Variants in KCNMA1 observed in about 807,000 individuals in gnomAD.
KCNMA1 encodes the protein potassium calcium-activated channel subfamily M alpha 1, also known as Calcium-activated potassium channel subunit alpha-1.
Under a neutral mutation model 140.0 loss-of-function variants are expected in KCNMA1, and 29 were observed. That is an observed-to-expected ratio of 0.21 (90% CI 0.15 to 0.28). The LOEUF (loss-of-function observed/expected upper bound fraction) is 0.28, where lower values mean the gene tolerates loss of function less well. Ranked by LOEUF, KCNMA1 falls within the 10% of genes least tolerant of loss-of-function variation. The pLI is 1.00. For synonymous variants in KCNMA1, 612 were observed against 611.9 expected (o/e 1.00, Z 0.00); for missense variants, 880 against 1,602.2 (o/e 0.55, Z 7.70).
chr10:77,631,892 C>A (rs1454329672), intron 1 of KCNMA1, among the ~76,000 whole-genome samples: 1 of 152,130 alleles, frequency 6.6e-6, no homozygotes, highest in African/African-American at 2.4e-5. Context: ...CAAAGGGAGG[C>A]CATAGGTTCT....
rs182014367 is a variant in KCNMA1 at position 77,027,963 on chromosome 10, G to C, written c.1860-72C>G. ...AGAGCCACATAACACACACTATTAC[G>C]ATCTTTCGGTCTCCTAATGCAGTCA... On this transcript the variant is annotated intron_variant, in intron 15 of 27. Transcript: ENST00000286628. 1,627 of 1,307,982 alleles carry C rather than the reference G, an allele frequency of 1.2e-3. 7 individuals are homozygous for C. The highest frequency in any genetic ancestry group is 4.7e-3 in the Middle Eastern group (26 of 5,516). 81.0% of individuals were successfully genotyped at this position (1,307,982 alleles called of 1,614,324 possible).
chr10:77,630,980 C>A (rs1326909924), intron 1 of KCNMA1, among the ~76,000 whole-genome samples: 13 of 151,672 alleles, frequency 8.6e-5, no homozygotes. Flanking sequence ...GTGGCACACA[C>A]CCATAAGTCT....
intron 3 of KCNMA1, among the ~76,000 whole-genome samples, chr10:77,197,721 C>T (rs372880054): frequency 2.0e-5 from 3 of 152,102 alleles, no homozygotes; most frequent in African/African-American, 7.2e-5. Flanking sequence ...AACCTGGAGG[C>T]GACAACCGAA....
intron 1 of KCNMA1, among the ~76,000 whole-genome samples, chr10:77,455,338 G>A (rs2097742610): frequency 6.6e-6 from 1 of 152,136 alleles, no homozygotes; most frequent in Non-Finnish European, 1.5e-5. Flanking sequence ...CTAGACCCAA[G>A]CCTCTCCTGG....
chr10:77,391,004 T>C (rs2095801147), intron 2 of KCNMA1, among the ~76,000 whole-genome samples: 1 of 152,074 alleles, frequency 6.6e-6, no homozygotes, highest in Non-Finnish European at 1.5e-5. Context: ...ACAAAACATG[T>C]GGGGAGGGAG....
intron 2 of KCNMA1, among the ~76,000 whole-genome samples, chr10:77,322,656 G>C (rs887014883): frequency 8.5e-5 from 13 of 152,298 alleles, no homozygotes; most frequent in African/African-American, 3.1e-4. Context: ...GGGGAAGGGA[G>C]TAAGGACTGG....
At chr10:77,490,528 T>A (rs2098519533) in intron 1 of KCNMA1, among the ~76,000 whole-genome samples, 1 of 152,238 alleles carries the variant, frequency 6.6e-6, no homozygotes, top group East Asian at 1.9e-4. Flanking sequence ...AGTTTAATAT[T>A]AATATGACTA....
intron 1 of KCNMA1, among the ~76,000 whole-genome samples, chr10:77,486,230 A>G (rs898646157): frequency 2.6e-5 from 4 of 152,168 alleles, no homozygotes; most frequent in Admixed American, 6.5e-5. Context: ...ACACTGAAGT[A>G]TTCTTTCCTC....
At chr10:77,039,051 C>T (rs1594459994) in intron 15 of KCNMA1, 1 of 195,500 alleles carries the variant, frequency 5.1e-6, no homozygotes, top group Non-Finnish European at 1.1e-5. Context: ...TATTTGGTTC[C>T]ACATTTCCTC....
At chr10:77,232,594 T>TA (rs1317103589) in intron 3 of KCNMA1, among the ~76,000 whole-genome samples, 1 of 152,264 alleles carries the variant, frequency 6.6e-6, no homozygotes, top group Non-Finnish European at 1.5e-5. Context: ...TGACCATTTT[T>TA]AAACTGGGCT....
rs1026342660 is a variant in KCNMA1 at position 77,302,991 on chromosome 10, C to A, written c.541-51735G>T. On this transcript the variant is annotated intron_variant, in intron 2 of 27. Coordinates refer to ENST00000286628, the MANE Select transcript of KCNMA1 (RefSeq NM_001161352.2). ...TGTTTGCCTAGGGATTTGTCTACCT[C>A]CTGCTGTATCACTGAGTTCAAATCC... Among the ~76,000 whole-genome samples the A allele has an allele frequency of 2.6e-5, 4 of 152,144 alleles. No individual in the cohort carries two copies. In the South Asian group the frequency reaches 8.3e-4, roughly 32 times the overall value.
At chr10:76,887,854 T>C (rs902656970) in intron 27 of KCNMA1, 12 of 339,866 alleles carry the variant, frequency 3.5e-5, no homozygotes, top group Non-Finnish European at 5.6e-5. Flanking sequence ...TTTCATGAAG[T>C]GTGATGCAAC....
At chr10:77,327,996 C>A (rs1316589561) in intron 2 of KCNMA1, among the ~76,000 whole-genome samples, 1 of 152,124 alleles carries the variant, frequency 6.6e-6, no homozygotes, top group East Asian at 1.9e-4. Context: ...CCCTTTCCAC[C>A]CTGAGGACCT....
At chr10:76,960,617 T>TG (rs2070865646) in intron 20 of KCNMA1, among the ~76,000 whole-genome samples, 1 of 129,640 alleles carries the variant, frequency 7.7e-6, no homozygotes, top group Non-Finnish European at 1.7e-5. Context: ...ATTATGGTTT[T>TG]GTTTTTTTTT....
At chr10:77,011,864 A>C (rs1345583293) in intron 18 of KCNMA1, 103 bp downstream of exon 18, 1 of 992,920 alleles carries the variant, frequency 1.0e-6, no homozygotes, top group Non-Finnish European at 1.6e-6. Flanking sequence ...TACTCAAGAA[A>C]ACTCTCGATG....
chr10:77,000,348 T>C (rs1189755455), intron 19 of KCNMA1, among the ~76,000 whole-genome samples: 1 of 152,198 alleles, frequency 6.6e-6, no homozygotes, highest in East Asian at 1.9e-4. Flanking sequence ...TTTCTGCACT[T>C]GGACCAAGAC....
intron 1 of KCNMA1, among the ~76,000 whole-genome samples, chr10:77,535,116 T>C (rs934528328): frequency 7.9e-5 from 12 of 152,212 alleles, no homozygotes; most frequent in African/African-American, 2.9e-4. Flanking sequence ...TATAATTTCT[T>C]AAATTCTACA....
At chr10:77,054,007 A>T (rs2095462660) in intron 14 of KCNMA1, among the ~76,000 whole-genome samples, 1 of 151,840 alleles carries the variant, frequency 6.6e-6, no homozygotes, top group Admixed American at 6.6e-5. Flanking sequence ...CAGCCGCACA[A>T]CCCCCCTCAC....
chr10:77,079,860 T>A (rs1347655514), intron 12 of KCNMA1: 4 of 438,106 alleles, frequency 9.1e-6, no homozygotes, highest in Non-Finnish European at 1.7e-5. Flanking sequence ...TCATAGGGGA[T>A]TGAAATGCTT....
Sources: allele counts gnomAD v4.1 joint callset (sites outside exome capture counted in the v4.1 genomes callset), GRCh38; gene constraint gnomAD v4.1.1; transcripts MANE v1.5; gene names NCBI Gene and HGNC (gene_info 2026-07-23, HGNC 2026-07-21).